The following GRIN2B variants were observed in gnomAD, a reference collection of about 807,000 sequenced individuals.
GRIN2B encodes glutamate ionotropic receptor NMDA type subunit 2B.
In GRIN2B, 5 loss-of-function variants were observed where a neutral mutation model predicts 114.5. The observed-to-expected ratio is 0.04, with a 90% confidence interval of 0.02 to 0.09. The LOEUF (loss-of-function observed/expected upper bound fraction) is 0.09, where lower values mean the gene tolerates loss of function less well. Among genes scored for constraint, GRIN2B ranks in the 10% least tolerant of loss-of-function variants. The pLI, the probability that GRIN2B is intolerant of heterozygous loss-of-function variation, is 1.00. For missense variants in GRIN2B, 1,108 were observed against 1,943.5 expected (o/e 0.57, Z 8.08); for synonymous variants, 787 against 745.1 (o/e 1.06, Z -0.92).
Position 13,727,773 on chromosome 12 carries a change from A to T in GRIN2B, c.1010+25544T>A, listed in dbSNP as rs376834608. The stretch of plus-strand genomic sequence containing the variant: ...GCTGGGAAGAGGGAAGGCTGTGAGT[A>T]AAAGCTAGGAAATGCAAACCATGTT... On this transcript the variant is annotated intron_variant, in intron 4 of 13. Coordinates refer to ENST00000609686, the MANE Select transcript of GRIN2B (RefSeq NM_000834.5). 2.6e-5 allele frequency among the ~76,000 whole-genome samples: 4 copies of T among 152,206 alleles called. No individual in the cohort carries two copies. The South Asian group carries it at 8.3e-4, about 32-fold the overall frequency.
chr12:13,630,970 G>A (rs780062474), intron 5 of GRIN2B, among the ~76,000 whole-genome samples: 7 of 152,110 alleles, frequency 4.6e-5, no homozygotes, highest in Admixed American at 1.3e-4. Flanking sequence ...CACATCTTAC[G>A]TGGCAGCAGG....
rs111932732 is a variant in GRIN2B at position 13,736,135 on chromosome 12, C to T, written c.1010+17182G>A. The stretch of plus-strand genomic sequence containing the variant: ...TGAACTATCATCTCCCATAGAAAAG[C>T]GGGGGGGGGGGGGGGTTGGCGGGAA... On this transcript the variant is annotated intron_variant, in intron 4 of 13. Coordinates refer to ENST00000609686, the MANE Select transcript of GRIN2B (RefSeq NM_000834.5). Among the ~76,000 whole-genome samples, 9 of 3,756 alleles carry T rather than the reference C, an allele frequency of 2.4e-3. 1 individual carries two copies. The highest frequency in any genetic ancestry group is 7.4e-3 in the African/African-American group (6 of 810). The allele number at this position is 3,756 out of a possible 152,430, so 2.5% of individuals were successfully genotyped here.
intron 5 of GRIN2B, among the ~76,000 whole-genome samples, chr12:13,667,286 A>C (rs1164974754): frequency 6.6e-6 from 1 of 152,222 alleles, no homozygotes; most frequent in Non-Finnish European, 1.5e-5. Context: ...AAGATCAAAA[A>C]GAGAAAACCC....
intron 4 of GRIN2B, among the ~76,000 whole-genome samples, chr12:13,744,943 T>C (rs1297130014): frequency 2.6e-5 from 4 of 152,170 alleles, no homozygotes; most frequent in Non-Finnish European, 5.9e-5. Context: ...GATCCCTCAG[T>C]AGTCATCCTA....
intron 3 of GRIN2B, among the ~76,000 whole-genome samples, chr12:13,865,309 T>C (rs890525361): frequency 6.6e-6 from 1 of 152,162 alleles, no homozygotes; most frequent in African/African-American, 2.4e-5. Flanking sequence ...AGTTTCTAGA[T>C]ACCAGCACCT....
Position 13,558,846 on chromosome 12 carries a change from A to G in GRIN2B, c.*3937T>C, listed in dbSNP as rs1948505218. On this transcript the variant is annotated 3_prime_UTR_variant, in exon 14 of 14. Coordinates refer to ENST00000609686, the MANE Select transcript of GRIN2B (RefSeq NM_000834.5). ...ACTTTGAAGGGTGTGCAAAGTCTCG[A>G]CTCAGGCAAATTCAAGGGTCAGATT... 1.3e-5 allele frequency: 2 copies of G among 152,218 alleles called. No individual in the cohort carries two copies. The highest frequency in any genetic ancestry group is 4.8e-5 in the African/African-American group (2 of 41,466). The allele number at this position is 152,218 out of a possible 1,614,324, so 9.4% of individuals were successfully genotyped here. A position where few individuals can be genotyped will look rare whatever the true frequency, so the allele number is the denominator to read the frequency against.
chr12:13,862,440 C>T (rs116535522), intron 3 of GRIN2B, among the ~76,000 whole-genome samples: 1,946 of 152,194 alleles, frequency 0.013, 40 homozygotes, highest in African/African-American at 0.045. Flanking sequence ...TACCTGTCTC[C>T]GAGAAGGGGA....
intron 3 of GRIN2B, among the ~76,000 whole-genome samples, chr12:13,797,182 G>C (rs1298482126): frequency 1.3e-5 from 2 of 152,140 alleles, no homozygotes; most frequent in South Asian, 2.1e-4. Flanking sequence ...TGTCTTATGA[G>C]AGCCCATTTC....
At chr12:13,585,562 C>T (rs1412434343) in intron 10 of GRIN2B, among the ~76,000 whole-genome samples, 1 of 152,214 alleles carries the variant, frequency 6.6e-6, no homozygotes, top group African/African-American at 2.4e-5. Context: ...TCGGGGTTCA[C>T]AACGGACCAT....
chr12:13,749,020 G>A (rs1013475799), intron 4 of GRIN2B, among the ~76,000 whole-genome samples: 1 of 152,178 alleles, frequency 6.6e-6, no homozygotes, highest in Non-Finnish European at 1.5e-5. Flanking sequence ...AATCTATCTG[G>A]AGATAATCAC....
intron 2 of GRIN2B, among the ~76,000 whole-genome samples, chr12:13,906,697 T>G (rs1866540842): frequency 6.6e-6 from 1 of 152,220 alleles, no homozygotes; most frequent in Non-Finnish European, 1.5e-5. Context: ...ATGATGACAA[T>G]GATTTCCTTA....
intron 4 of GRIN2B, among the ~76,000 whole-genome samples, chr12:13,695,286 C>T (rs796293053): frequency 7.2e-5 from 11 of 152,294 alleles, no homozygotes; most frequent in African/African-American, 2.6e-4. Flanking sequence ...CAAACACTGG[C>T]CTGCCACTGT....
intron 4 of GRIN2B, among the ~76,000 whole-genome samples, chr12:13,725,188 T>C (rs920778024): frequency 1.3e-5 from 2 of 152,052 alleles, no homozygotes; most frequent in Admixed American, 1.3e-4. Flanking sequence ...GATAATAGTG[T>C]CCCCTGGAGG....
At chr12:13,864,614 A>T (rs1865796372) in intron 3 of GRIN2B, among the ~76,000 whole-genome samples, 1 of 152,234 alleles carries the variant, frequency 6.6e-6, no homozygotes, top group Non-Finnish European at 1.5e-5. Context: ...AACAATAATC[A>T]GTAAAGCAAG....
chr12:13,910,545 T>A (rs180991213), intron 2 of GRIN2B, among the ~76,000 whole-genome samples: 1 of 152,218 alleles, frequency 6.6e-6, no homozygotes, highest in African/African-American at 2.4e-5. Context: ...TCTTTGCCAC[T>A]GCTTTGGCTA....
At chr12:13,766,756 A>G (rs753038368) in intron 3 of GRIN2B, among the ~76,000 whole-genome samples, 1 of 152,166 alleles carries the variant, frequency 6.6e-6, no homozygotes, top group Non-Finnish European at 1.5e-5. Flanking sequence ...TAAGATTTTT[A>G]TTCTTCAGAA....
chr12:13,611,933 T>C, intron 8 of GRIN2B, 83 bp from the exon 9 acceptor site: 2 of 1,439,728 alleles, frequency 1.4e-6, no homozygotes, highest in Admixed American at 3.4e-5. Flanking sequence ...ATTTCATATT[T>C]TAGGGGGTGG....
chr12:13,804,787 A>C (rs1212310951), intron 3 of GRIN2B, among the ~76,000 whole-genome samples: 1 of 152,164 alleles, frequency 6.6e-6, no homozygotes, highest in Non-Finnish European at 1.5e-5. Flanking sequence ...TCTTGTAGCA[A>C]TAATGCCTTG....
At chr12:13,694,695 AT>A (rs1565503139) in intron 4 of GRIN2B, among the ~76,000 whole-genome samples, 9 of 116,714 alleles carry the variant, frequency 7.7e-5, no homozygotes, top group Middle Eastern at 4.5e-3. Context: ...ATATATATAT[AT>A]ATATATAAAT....
Sources: allele counts gnomAD v4.1 joint callset (sites outside exome capture counted in the v4.1 genomes callset), GRCh38; gene constraint gnomAD v4.1.1; transcripts MANE v1.5; gene names NCBI Gene and HGNC (gene_info 2026-07-23, HGNC 2026-07-21).